Variants in ANO2 observed in about 807,000 individuals in gnomAD.
ANO2 encodes the protein anoctamin 2.
ANO2 carries 101 observed loss-of-function variants against 124.2 expected under a neutral mutation model. The ratio of observed to expected loss-of-function variants is 0.81; its 90% CI spans 0.69 to 0.96. The LOEUF is 0.96. Among genes scored for constraint, ANO2 ranks in the 40% least tolerant of loss-of-function variants. ANO2 has a pLI of 0.00. For missense variants in ANO2, 1,293 were observed against 1,274.5 expected, an observed-to-expected ratio of 1.01 and a Z score of -0.22; for synonymous variants, 486 against 482.5, an observed-to-expected ratio of 1.01 and a Z score of -0.09.
intron 20 of ANO2, among the ~76,000 whole-genome samples, chr12:5,583,545 C>A (rs911069849): frequency 6.9e-6 from 1 of 145,574 alleles, no homozygotes; most frequent in African/African-American, 2.5e-5. Context: ...CCCAGCTACT[C>A]GGGAGGCTGA....
chr12:5,682,755 C>A (rs941494994), intron 14 of ANO2, among the ~76,000 whole-genome samples: 5 of 152,180 alleles, frequency 3.3e-5, no homozygotes, highest in African/African-American at 1.2e-4. Flanking sequence ...ACATGTCTAC[C>A]GCCATGCCAA....
chr12:5,612,613 C>T, intron 19 of ANO2, 43 bp downstream of exon 19: 2 of 1,565,374 alleles, frequency 1.3e-6, no homozygotes, highest in Non-Finnish European at 1.8e-6. Context: ...TCTGGGCTAA[C>T]CCCTGGCAGC....
At chr12:5,832,409 C>G (rs373912297) in intron 5 of ANO2, 43 bp downstream of exon 5, 20 of 1,610,428 alleles carry the variant, frequency 1.2e-5, no homozygotes, top group Non-Finnish European at 1.6e-5. Flanking sequence ...ATTTTCCTTC[C>G]TATCCCTTCC....
At chr12:5,619,310 G>A (rs1439173693) in intron 16 of ANO2, among the ~76,000 whole-genome samples, 1 of 152,170 alleles carries the variant, frequency 6.6e-6, no homozygotes, top group Non-Finnish European at 1.5e-5. Flanking sequence ...TGGTAAAAAT[G>A]TTGTAAAAGA....
chr12:5,765,261 T>C (rs958591322), intron 10 of ANO2, among the ~76,000 whole-genome samples: 9 of 152,170 alleles, frequency 5.9e-5, no homozygotes, highest in African/African-American at 1.9e-4. Context: ...CAACTGTACA[T>C]AGCATCTCTC....
At chr12:5,720,203 A>G (rs370661269) in intron 14 of ANO2, among the ~76,000 whole-genome samples, 12 of 152,298 alleles carry the variant, frequency 7.9e-5, no homozygotes, top group South Asian at 6.2e-4. Flanking sequence ...GATTGTCAGA[A>G]GCGCATAGTC....
intron 8 of ANO2, 94 bp from the exon 9 acceptor site, chr12:5,806,187 A>G: frequency 4.6e-6 from 6 of 1,315,000 alleles, no homozygotes; most frequent in Non-Finnish European, 6.3e-6. Context: ...TTCTAATATC[A>G]TTGCTTTTTT....
At chr12:5,827,109 C>G (rs1953979197) in intron 7 of ANO2, among the ~76,000 whole-genome samples, 1 of 152,234 alleles carries the variant, frequency 6.6e-6, no homozygotes, top group East Asian at 1.9e-4. Context: ...GCACAGCTCA[C>G]ATTGTACCTG....
At chr12:5,888,026 C>T (rs892184818) in intron 3 of ANO2, among the ~76,000 whole-genome samples, 4 of 152,178 alleles carry the variant, frequency 2.6e-5, no homozygotes, top group African/African-American at 9.7e-5. Flanking sequence ...CTTGGTCTCA[C>T]TGACTTCAAG....
Position 5,854,061 on chromosome 12 carries a change from G to C in ANO2, c.615C>G (p.Ile205Met), listed in dbSNP as rs773668609. The change falls in exon 4 of 25, where the codon ATC becomes ATG. Residue 205 changes from isoleucine (I) to methionine (M), a missense_variant. Transcript: ENST00000682330. ...VLAREAEFLKIKVPTKKMYEI... is the reference protein window; with the variant it reads ...VLAREAEFLKMKVPTKKMYEI... Reference sequence around the variant, plus strand: ...CTCATACTTTCTTGGTAGGAACTTTGATCTTCAAGAATTCTGCCTCTCTGG... The same window carrying C: ...CTCATACTTTCTTGGTAGGAACTTTCATCTTCAAGAATTCTGCCTCTCTGG... 1.2e-6 allele frequency: 2 copies of C among 1,613,358 alleles called. No individual in the cohort carries two copies. Among genetic ancestry groups the C allele is most frequent in the East Asian group, 2.2e-5 (1 of 44,860 alleles).
chr12:5,706,612 T>C (rs1463753212), intron 14 of ANO2, among the ~76,000 whole-genome samples: 1 of 152,220 alleles, frequency 6.6e-6, no homozygotes, highest in Admixed American at 6.5e-5. Context: ...TGCTTCATCT[T>C]TCCTCAGAGT....
chr12:5,923,272 A>ACACACG (rs1276299909), intron 1 of ANO2, among the ~76,000 whole-genome samples: 1 of 138,318 alleles, frequency 7.2e-6, no homozygotes, highest in Non-Finnish European at 1.7e-5. Context: ...ACACACACAC[A>ACACACG]CACACACGCA....
chr12:5,794,929 A>C (rs1591625878), intron 10 of ANO2, among the ~76,000 whole-genome samples: 1 of 152,260 alleles, frequency 6.6e-6, no homozygotes, highest in Non-Finnish European at 1.5e-5. Flanking sequence ...TCCTCCTCTA[A>C]CCCAGCTGTG....
intron 15 of ANO2, among the ~76,000 whole-genome samples, chr12:5,641,785 G>A (rs1031448467): frequency 6.6e-6 from 1 of 152,172 alleles, no homozygotes; most frequent in Non-Finnish European, 1.5e-5. Context: ...AGTTGGGTGG[G>A]GCTGGGAAAG....
intron 14 of ANO2, among the ~76,000 whole-genome samples, chr12:5,687,970 G>A (rs1213382904): frequency 6.6e-6 from 1 of 152,178 alleles, no homozygotes; most frequent in African/African-American, 2.4e-5. Flanking sequence ...TTAAAGAAAG[G>A]TATATATTAT....
chr12:5,788,867 A>G (rs947501623), intron 10 of ANO2, among the ~76,000 whole-genome samples: 12 of 152,310 alleles, frequency 7.9e-5, no homozygotes, highest in Admixed American at 2.6e-4. Context: ...CCTGAATTAC[A>G]TATTTCTTAA....
chr12:5,875,169 T>C (rs1304190766), intron 3 of ANO2, among the ~76,000 whole-genome samples: 3 of 152,242 alleles, frequency 2.0e-5, no homozygotes, highest in Admixed American at 2.0e-4. Flanking sequence ...CAGTGTCTGA[T>C]ACTGTGCCTT....
chr12:5,869,186 C>T (rs1591718849), intron 3 of ANO2, among the ~76,000 whole-genome samples: 1 of 152,126 alleles, frequency 6.6e-6, no homozygotes, highest in African/African-American at 2.4e-5. Context: ...CTCCAAGGCT[C>T]GCTTCCAAAG....
In ANO2 at chr12:5,819,920, A is replaced by G. The variant is rs551955171; in HGVS notation, c.892+7849T>C. Among the ~76,000 whole-genome samples, 4 of 152,236 alleles carry G rather than the reference A, an allele frequency of 2.6e-5. No individual in the cohort carries two copies. In the East Asian group the frequency reaches 7.9e-4, roughly 30 times the overall value. ...AATGGACAGCAGAGGCAAAGCAGCA[A>G]TCAGAATAATCTGACTTATGTAGAG... is the stretch of plus-strand genomic sequence containing the variant. On this transcript the variant is annotated intron_variant, in intron 7 of 24. Coordinates refer to ENST00000682330, the MANE Select transcript of ANO2 (RefSeq NM_001364791.2).
Sources: gnomAD v4.1 joint callset for allele counts (sites outside exome capture counted in the v4.1 genomes callset) on GRCh38, gnomAD v4.1.1 for gene constraint, MANE v1.5 for transcripts, NCBI Gene and HGNC (gene_info 2026-07-23, HGNC 2026-07-21) for gene names.